Variants in TRPM3 observed in about 807,000 individuals in gnomAD.
TRPM3 encodes long transient receptor potential channel 3.
Under a neutral mutation model 181.2 loss-of-function variants are expected in TRPM3, and 77 were observed. That is an observed-to-expected ratio of 0.42 (90% CI 0.35 to 0.51). The LOEUF (loss-of-function observed/expected upper bound fraction) is 0.51. TRPM3 is among the 20% of genes least tolerant of loss of function. The pLI is 0.01. For missense variants in TRPM3, 1,759 were observed against 2,196.7 expected, an observed-to-expected ratio of 0.80 and a Z score of 3.98; for synonymous variants, 745 against 796.4, an observed-to-expected ratio of 0.94 and a Z score of 1.09.
chr9:70,599,316 G>C (rs1564498680), intron 20 of TRPM3, among the ~76,000 whole-genome samples: 1 of 151,946 alleles, frequency 6.6e-6, no homozygotes, highest in Non-Finnish European at 1.5e-5. Context: ...TATATGCATA[G>C]GTAAAAACTC....
intron 1 of TRPM3, among the ~76,000 whole-genome samples, chr9:70,944,071 C>T (rs549472251): frequency 1.4e-4 from 21 of 152,328 alleles, no homozygotes; most frequent in African/African-American, 5.1e-4. Flanking sequence ...GCGTGAGCCA[C>T]CACTCCTGGC....
chr9:71,368,471 T>C (rs556988295), intron 1 of TRPM3, among the ~76,000 whole-genome samples: 2 of 152,242 alleles, frequency 1.3e-5, no homozygotes, highest in East Asian at 3.9e-4. Flanking sequence ...ACCAAGGGAA[T>C]AGAACAGTGC....
At chr9:70,899,338 C>T (rs2096347122) in intron 1 of TRPM3, among the ~76,000 whole-genome samples, 1 of 152,144 alleles carries the variant, frequency 6.6e-6, no homozygotes, top group Non-Finnish European at 1.5e-5. Flanking sequence ...TCTGGAAAAC[C>T]TGATCATATC....
intron 1 of TRPM3, among the ~76,000 whole-genome samples, chr9:71,215,191 T>C (rs2079788522): frequency 6.6e-6 from 1 of 152,182 alleles, no homozygotes; most frequent in African/African-American, 2.4e-5. Context: ...ACTACTGCCA[T>C]TTGCACTAGA....
intron 1 of TRPM3, among the ~76,000 whole-genome samples, chr9:70,937,134 T>C (rs2096836174): frequency 6.6e-6 from 1 of 152,108 alleles, no homozygotes; most frequent in South Asian, 2.1e-4. Flanking sequence ...ATGGCAAGAG[T>C]TGATAACTTC....
chr9:70,676,584 G>A (rs1262290431), intron 9 of TRPM3, among the ~76,000 whole-genome samples: 1 of 152,138 alleles, frequency 6.6e-6, no homozygotes, highest in African/African-American at 2.4e-5. Context: ...TGTGATTAAG[G>A]CAGGGCCAGC....
chr9:70,785,097 C>T (rs528181887), intron 6 of TRPM3, among the ~76,000 whole-genome samples: 24 of 152,286 alleles, frequency 1.6e-4, no homozygotes, highest in Middle Eastern at 6.8e-3. Flanking sequence ...ATGGTATCTG[C>T]CATCTGCCAT....
chr9:71,190,110 T>G (rs537396219), intron 1 of TRPM3, among the ~76,000 whole-genome samples: 1 of 151,912 alleles, frequency 6.6e-6, no homozygotes, highest in Admixed American at 6.6e-5. Context: ...CCAAATACCT[T>G]TTGTCTAAAA....
chr9:70,590,736 G>A (rs2057977363), intron 22 of TRPM3, among the ~76,000 whole-genome samples: 1 of 150,706 alleles, frequency 6.6e-6, no homozygotes. Flanking sequence ...CTGGGAGTTT[G>A]AATCATAAAG....
intron 1 of TRPM3, among the ~76,000 whole-genome samples, chr9:70,880,636 A>G (rs957135658): frequency 2.0e-5 from 3 of 152,106 alleles, no homozygotes; most frequent in African/African-American, 4.8e-5. Context: ...TTGAGGACAA[A>G]GTCCTGAAAT....
intron 1 of TRPM3, among the ~76,000 whole-genome samples, chr9:71,054,311 G>A (rs988161727): frequency 6.6e-6 from 1 of 152,000 alleles, no homozygotes; most frequent in Admixed American, 6.6e-5. Flanking sequence ...TGCATCTTTG[G>A]TTATCATTCA....
At chr9:71,440,523 T>C (rs1331302923) in intron 1 of TRPM3, among the ~76,000 whole-genome samples, 4 of 152,244 alleles carry the variant, frequency 2.6e-5, no homozygotes, top group African/African-American at 9.6e-5. Context: ...GAAGCAGGCA[T>C]AAATGTCTCA....
intron 1 of TRPM3, among the ~76,000 whole-genome samples, chr9:71,409,561 T>C (rs1251125852): frequency 1.3e-5 from 2 of 152,276 alleles, no homozygotes; most frequent in Non-Finnish European, 2.9e-5. Flanking sequence ...GTGCTAACTA[T>C]CCTAAATATA....
rs567032205 is a variant in TRPM3 at position 70,944,035 on chromosome 9, G to A, written c.178-79524C>T. ...CCTCAAGTGGTCCGCCCCCCACCTTGGCCTCCCAAAGTGCTGGAACTACAG... is the reference window on the plus strand; with the variant it reads ...CCTCAAGTGGTCCGCCCCCCACCTTAGCCTCCCAAAGTGCTGGAACTACAG... On this transcript the variant is annotated intron_variant, in intron 1 of 25. Transcript: ENST00000677713. 8.8e-4 allele frequency among the ~76,000 whole-genome samples: 134 copies of A among 152,170 alleles called. 1 individual carries two copies. The South Asian group carries it at 8.9e-3, about 10-fold the overall frequency.
chr9:70,758,100 T>A (rs2077414395), intron 8 of TRPM3, among the ~76,000 whole-genome samples: 1 of 152,114 alleles, frequency 6.6e-6, no homozygotes. Context: ...CAGCCCAAAA[T>A]CTCCTTAAGC....
At chr9:70,600,557 G>T (rs143723946) in intron 20 of TRPM3, among the ~76,000 whole-genome samples, 243 of 152,018 alleles carry the variant, frequency 1.6e-3, no homozygotes, top group Admixed American at 2.9e-3. Context: ...CAGCTGGAAG[G>T]CTGGGTAAAA....
chr9:70,685,236 A>C (rs1473433147), intron 8 of TRPM3, among the ~76,000 whole-genome samples: 1 of 152,222 alleles, frequency 6.6e-6, no homozygotes, highest in Non-Finnish European at 1.5e-5. Context: ...CCAAAATTTC[A>C]AATTTTCACA....
intron 1 of TRPM3, among the ~76,000 whole-genome samples, chr9:71,317,528 C>T (rs1312931758): frequency 1.3e-5 from 2 of 151,996 alleles, no homozygotes; most frequent in East Asian, 3.9e-4. Context: ...ATAGTCCCAG[C>T]TACTCAGGAG....
chr9:71,014,286 CTTTA>C (rs1278122960), intron 1 of TRPM3, among the ~76,000 whole-genome samples: 1 of 151,936 alleles, frequency 6.6e-6, no homozygotes, highest in Admixed American at 6.6e-5. Context: ...CATTTTTCCA[CTTTA>C]TTTCTCAGAA....
Sources: gnomAD v4.1 joint callset for allele counts (sites outside exome capture counted in the v4.1 genomes callset) on GRCh38, gnomAD v4.1.1 for gene constraint, MANE v1.5 for transcripts, NCBI Gene and HGNC (gene_info 2026-07-23, HGNC 2026-07-21) for gene names.